HMBOX1: variants seen among roughly 807,000 people sequenced by gnomAD.
The protein encoded by HMBOX1 is homeobox-containing protein 1.
In HMBOX1, 14 loss-of-function variants were observed where a neutral mutation model predicts 54.5. That is an observed-to-expected ratio of 0.26 (90% CI 0.17 to 0.40). HMBOX1 has a LOEUF of 0.40. Ranked by LOEUF, HMBOX1 falls within the 10% of genes least tolerant of loss-of-function variation. The probability of loss-of-function intolerance (pLI) is 1.00; values close to 1 mark genes in which losing one functional copy is unlikely to be tolerated. For synonymous variants in HMBOX1, 160 were observed against 181.0 expected, an observed-to-expected ratio of 0.88 and a Z score of 0.93; for missense variants, 332 against 514.4, an observed-to-expected ratio of 0.65 and a Z score of 3.43.
chr8:29,030,479 A>G (rs1439389889), intron 6 of HMBOX1, among the ~76,000 whole-genome samples: 3 of 152,166 alleles, frequency 2.0e-5, no homozygotes, highest in African/African-American at 7.2e-5. Context: ...TTGGCCTCCC[A>G]AACTGCTGGG....
chr8:29,046,409 A>C (rs1805565631), intron 7 of HMBOX1: 1 of 152,228 alleles, frequency 6.6e-6, no homozygotes, highest in Admixed American at 6.5e-5. Flanking sequence ...CGAAAAACAA[A>C]AGGAAAGGTG....
chr8:28,961,133 A>G (rs114879211), intron 1 of HMBOX1, among the ~76,000 whole-genome samples: 601 of 152,214 alleles, frequency 3.9e-3, no homozygotes, highest in African/African-American at 0.014. Context: ...AGGTGCTTGA[A>G]TGTGATCCAG....
At chr8:28,981,796 A>G (rs966536604) in intron 4 of HMBOX1, among the ~76,000 whole-genome samples, 2 of 152,244 alleles carry the variant, frequency 1.3e-5, no homozygotes, top group African/African-American at 4.8e-5. Flanking sequence ...GGAATAAACC[A>G]TAATGGGTTA....
intron 1 of HMBOX1, among the ~76,000 whole-genome samples, chr8:28,930,122 C>G (rs556596912): frequency 6.6e-6 from 1 of 152,086 alleles, no homozygotes; most frequent in African/African-American, 2.4e-5. Context: ...GTTCTAGAAA[C>G]TGGATGTGCT....
intron 1 of HMBOX1, among the ~76,000 whole-genome samples, chr8:28,912,544 G>A (rs1027426470): frequency 6.6e-6 from 1 of 152,000 alleles, no homozygotes; most frequent in Non-Finnish European, 1.5e-5. Context: ...TCACAATTTC[G>A]CTAAAATTCA....
chr8:28,895,686 A>AT (rs1327107393), intron 1 of HMBOX1, among the ~76,000 whole-genome samples: 1 of 152,074 alleles, frequency 6.6e-6, no homozygotes, highest in Non-Finnish European at 1.5e-5. Context: ...AAAAAAAAAA[A>AT]ATTTTGATAA....
At chr8:29,012,568 C>T (rs1250306905) in intron 5 of HMBOX1, among the ~76,000 whole-genome samples, 1 of 152,134 alleles carries the variant, frequency 6.6e-6, no homozygotes, top group Non-Finnish European at 1.5e-5. Flanking sequence ...ATATGCTTAT[C>T]TAAGCATAGA....
chr8:28,966,629 G>A (rs1458664099), intron 2 of HMBOX1, among the ~76,000 whole-genome samples: 2 of 152,098 alleles, frequency 1.3e-5, no homozygotes, highest in Non-Finnish European at 2.9e-5. Flanking sequence ...TGAAATGCCG[G>A]AGTATATGCC....
At chr8:28,931,514 A>G (rs1819460175) in intron 1 of HMBOX1, among the ~76,000 whole-genome samples, 4 of 152,098 alleles carry the variant, frequency 2.6e-5, no homozygotes, top group Admixed American at 2.6e-4. Context: ...GGATAGAGTG[A>G]AAGTCCAAAA....
chr8:28,898,249 A>G (rs1416825799), intron 1 of HMBOX1, among the ~76,000 whole-genome samples: 1 of 151,958 alleles, frequency 6.6e-6, no homozygotes, highest in African/African-American at 2.4e-5. Flanking sequence ...TTAAAAAAAG[A>G]CAAAGTTTAA....
At chr8:28,932,489 C>A (rs373535022) in intron 1 of HMBOX1, among the ~76,000 whole-genome samples, 9 of 152,202 alleles carry the variant, frequency 5.9e-5, no homozygotes, top group African/African-American at 2.2e-4. Context: ...GTTTTTCTGC[C>A]TCATACTCAT....
chr8:28,970,364 T>C lies in HMBOX1; in HGVS notation c.345T>C (p.Asn115=). 1 of 1,614,038 alleles carries C rather than the reference T, an allele frequency of 6.2e-7. No homozygotes were observed. The highest frequency in any genetic ancestry group is 8.5e-7 in the Non-Finnish European group (1 of 1,180,006). The change falls in exon 3 of 10, where the codon AAT becomes AAC. Residue 115 remains asparagine, a synonymous_variant. Transcript: ENST00000287701. The surrounding 1 kb of genome is among the most constrained non-coding windows in gnomAD (Gnocchi z 4.3). ...YDTSPQPCTT[N]QNGRENNERL... ...CTTCCCCACAGCCTTGCACTACCAA[T>C]CAAAATGGGAGGGAGAATAATGAGC...
At chr8:29,011,307 A>T (rs1834193713) in intron 5 of HMBOX1, among the ~76,000 whole-genome samples, 1 of 152,226 alleles carries the variant, frequency 6.6e-6, no homozygotes, top group Admixed American at 6.5e-5. Context: ...AGGAGGTTGT[A>T]GCACTATTCA....
In HMBOX1 at chr8:29,049,059, G is replaced by A. The variant is rs372979158; in HGVS notation, c.1125+11G>A. Reference sequence around the variant, plus strand: ...GACTACTCTGAGCAGGTGAGCCCCTGCGCAGCTGGGCGAGGTTCTTGGTGC... The same window carrying A: ...GACTACTCTGAGCAGGTGAGCCCCTACGCAGCTGGGCGAGGTTCTTGGTGC... On this transcript the variant is annotated intron_variant, in intron 9 of 9. Transcript: ENST00000287701. 3.5e-5 allele frequency: 57 copies of A among 1,610,626 alleles called. No individual in the cohort carries two copies. Among genetic ancestry groups the A allele is most frequent in the Non-Finnish European group, 4.7e-5 (55 of 1,177,228 alleles).
At chr8:28,896,282 C>G (rs1304957728) in intron 1 of HMBOX1, among the ~76,000 whole-genome samples, 1 of 152,132 alleles carries the variant, frequency 6.6e-6, no homozygotes, top group Admixed American at 6.5e-5. Context: ...CCCCAGTTTC[C>G]CCTATTGGTT....
chr8:28,900,254 CAAA>C (rs1215445461), intron 1 of HMBOX1, among the ~76,000 whole-genome samples: 1,064 of 94,828 alleles, frequency 0.011, 21 homozygotes, highest in African/African-American at 0.042. Flanking sequence ...GATTCCGTCT[CAAA>C]AAAAAAAAAA....
chr8:28,925,767 A>T (rs1009471345), intron 1 of HMBOX1, among the ~76,000 whole-genome samples: 2 of 152,050 alleles, frequency 1.3e-5, no homozygotes, highest in African/African-American at 4.8e-5. Context: ...TTTGATCCTC[A>T]TAAAGGCTTT....
intron 6 of HMBOX1, among the ~76,000 whole-genome samples, chr8:29,042,417 G>C (rs527647723): frequency 2.2e-4 from 34 of 152,180 alleles, no homozygotes; most frequent in Non-Finnish European, 4.3e-4. Flanking sequence ...CTTCATAAGA[G>C]AGAAAGCAAG....
At chr8:28,937,473 C>A (rs905839611) in intron 1 of HMBOX1, among the ~76,000 whole-genome samples, 1 of 152,086 alleles carries the variant, frequency 6.6e-6, no homozygotes, top group African/African-American at 2.4e-5. Flanking sequence ...TTTGTTCTTC[C>A]ATTAAAAAAA....
Sources: allele counts gnomAD v4.1 joint callset (sites outside exome capture counted in the v4.1 genomes callset), GRCh38; gene constraint gnomAD v4.1.1; non-coding constraint Gnocchi (gnomAD v3.1); transcripts MANE v1.5; gene names NCBI Gene and HGNC (gene_info 2026-07-23, HGNC 2026-07-21).